Variants in CTXND2 observed in about 807,000 individuals in gnomAD.
CTXND2 encodes the protein cortexin domain containing 2.
At chr1:150,908,027 T>TA (rs1669183527) in intron 1 of CTXND2, among the ~76,000 whole-genome samples, 1 of 146,952 alleles carries the variant, frequency 6.8e-6, no homozygotes, top group South Asian at 2.1e-4. Flanking sequence ...TTTTTTTTTT[T>TA]AGACAGTGTC....
At chr1:150,907,330 C>A (rs971998348) in intron 1 of CTXND2, among the ~76,000 whole-genome samples, 1 of 152,144 alleles carries the variant, frequency 6.6e-6, no homozygotes, top group Admixed American at 6.5e-5. Context: ...ACTTTCACCC[C>A]CTCATCCCCC....
Position 150,907,088 on chromosome 1 carries a change from A to C in CTXND2, c.-73-5154A>C, listed in dbSNP as rs146540253. Among the ~76,000 whole-genome samples, 370 of 152,334 alleles carry C rather than the reference A, an allele frequency of 2.4e-3. 1 individual carries two copies. Among genetic ancestry groups the C allele is most frequent in the Non-Finnish European group, 3.9e-3 (268 of 68,026 alleles). ...CTGATCCTGTACAATGCAGAAGAAGAAGCCTGAAAAGGGAGAAGAGCTAAT... is the reference window on the plus strand; with the variant it reads ...CTGATCCTGTACAATGCAGAAGAAGCAGCCTGAAAAGGGAGAAGAGCTAAT... On this transcript the variant is annotated intron_variant, in intron 1 of 1. Coordinates refer to ENST00000636087, the Ensembl canonical transcript of CTXND2.
chr1:150,904,687 TG>T (rs1669106073), intron 1 of CTXND2, among the ~76,000 whole-genome samples: 1 of 152,230 alleles, frequency 6.6e-6, no homozygotes, highest in African/African-American at 2.4e-5. Flanking sequence ...TTTATATTTT[TG>T]GCCTTAACTA....
intron 1 of CTXND2, among the ~76,000 whole-genome samples, chr1:150,904,458 T>C (rs1669100453): frequency 6.6e-6 from 1 of 152,220 alleles, no homozygotes; most frequent in African/African-American, 2.4e-5. Context: ...AAAGATATGA[T>C]TAGACTTTGT....
chr1:150,889,756 G>C (rs1668824268), intron 1 of CTXND2, among the ~76,000 whole-genome samples: 1 of 152,040 alleles, frequency 6.6e-6, no homozygotes. Flanking sequence ...AATTCAACAA[G>C]TATGAACTGT....
intron 1 of CTXND2, among the ~76,000 whole-genome samples, chr1:150,909,286 T>G (rs1472997361): frequency 1.4e-5 from 2 of 143,020 alleles, no homozygotes; most frequent in Non-Finnish European, 3.0e-5. Flanking sequence ...GCACAGTAGC[T>G]CATACAATCC....
rs587624325 is a variant in CTXND2, at chr1:150,890,731, A to C, written c.-74+3418A>C. On this transcript the variant is annotated intron_variant, in intron 1 of 1. Transcript: ENST00000636087. ...TTGGTTAGACTGGTCTTGAACTCCC[A>C]ACCTCAGGTGATCCACCCGCCTCGG... Among the ~76,000 whole-genome samples, 15 of 152,152 alleles carry C rather than the reference A, an allele frequency of 9.9e-5. No individual in the cohort carries two copies. In the East Asian group the frequency reaches 1.9e-3, roughly 20 times the overall value.
At chr1:150,909,046 C>T (rs1017453187) in intron 1 of CTXND2, among the ~76,000 whole-genome samples, 1 of 151,812 alleles carries the variant, frequency 6.6e-6, no homozygotes, top group Admixed American at 6.6e-5. Context: ...TTGAGCCCAG[C>T]CTGGCCAACA....
At chr1:150,890,266 G>T (rs956739460) in intron 1 of CTXND2, among the ~76,000 whole-genome samples, 4 of 149,744 alleles carry the variant, frequency 2.7e-5, no homozygotes, top group Non-Finnish European at 6.0e-5. Flanking sequence ...GTATGGAAAA[G>T]ATATGTGTTG....
At chr1:150,911,445 T>A (rs982303202) in intron 1 of CTXND2, among the ~76,000 whole-genome samples, 70 of 151,958 alleles carry the variant, frequency 4.6e-4, no homozygotes, top group African/African-American at 1.2e-3. Context: ...AAATTTATTT[T>A]TTTTTTTTGA....
At chr1:150,888,284 G>A (rs1668800978) in intron 1 of CTXND2, among the ~76,000 whole-genome samples, 1 of 150,858 alleles carries the variant, frequency 6.6e-6, no homozygotes, top group South Asian at 2.1e-4. Context: ...CGCGATCTTG[G>A]CTCAATACAA....
chr1:150,889,324 C>T (rs986777793), intron 1 of CTXND2, among the ~76,000 whole-genome samples: 3 of 146,362 alleles, frequency 2.0e-5, no homozygotes, highest in Admixed American at 7.0e-5. Flanking sequence ...GGCGTGAACC[C>T]GGGAGACAGA....
chr1:150,912,855 A>G (rs780076925), exon 2 of CTXND2: 23 of 161,028 alleles, frequency 1.4e-4, no homozygotes, highest in Non-Finnish European at 2.4e-4. Flanking sequence ...ATGCAAATGT[A>G]GGCTCAGCAG....
At chr1:150,902,810 C>G (rs2102600463) in intron 1 of CTXND2, among the ~76,000 whole-genome samples, 2 of 152,086 alleles carry the variant, frequency 1.3e-5, no homozygotes, top group South Asian at 4.1e-4. Context: ...CCATAAACTG[C>G]AGGGAACATA....
At chr1:150,899,207 T>G (rs1668959720) in intron 1 of CTXND2, among the ~76,000 whole-genome samples, 2 of 152,048 alleles carry the variant, frequency 1.3e-5, no homozygotes, top group African/African-American at 4.8e-5. Context: ...TTGGGAGGGC[T>G]AGGTGAGAGG....
chr1:150,906,022 G>T (rs1446321728), intron 1 of CTXND2, among the ~76,000 whole-genome samples: 1 of 151,796 alleles, frequency 6.6e-6, no homozygotes, highest in Non-Finnish European at 1.5e-5. Context: ...GGGGCCGGGT[G>T]TGGTGGCTCA....
exon 2 of CTXND2, chr1:150,912,460 C>T (rs751966809): frequency 2.5e-6 from 1 of 398,470 alleles, no homozygotes; most frequent in Non-Finnish European, 4.4e-6. Context: ...AGCTCCACAA[C>T]CACAGAACCA....
chr1:150,901,599 A>G (rs1172118004), intron 1 of CTXND2, among the ~76,000 whole-genome samples: 7 of 152,158 alleles, frequency 4.6e-5, no homozygotes, highest in Admixed American at 4.6e-4. Context: ...TGACCAAGCA[A>G]TTTTCAACCA....
chr1:150,891,568 T>C (rs1457210277), intron 1 of CTXND2, among the ~76,000 whole-genome samples: 1 of 152,228 alleles, frequency 6.6e-6, no homozygotes, highest in Non-Finnish European at 1.5e-5. Context: ...GTTTACAAGC[T>C]TTCCAATGGC....
Sources: allele counts gnomAD v4.1 joint callset (sites outside exome capture counted in the v4.1 genomes callset), GRCh38; gene constraint gnomAD v4.1.1; transcripts MANE v1.5; gene names NCBI Gene and HGNC (gene_info 2026-07-23, HGNC 2026-07-21).